Variants in DAAM1 observed in about 807,000 individuals in gnomAD.
DAAM1 encodes disheveled-associated activator of morphogenesis 1.
Under a neutral mutation model 130.0 loss-of-function variants are expected in DAAM1, and 52 were observed. That is an observed-to-expected ratio of 0.40 (90% CI 0.32 to 0.50). The LOEUF is 0.50. Ranked by LOEUF, DAAM1 falls within the 20% of genes least tolerant of loss-of-function variation. DAAM1 has a pLI of 0.61. For synonymous variants in DAAM1, 452 were observed against 444.5 expected (o/e 1.02, Z -0.21); for missense variants, 1,134 against 1,303.8 (o/e 0.87, Z 2.01).
chr14:59,302,104 T>C (rs141193161), intron 3 of DAAM1, among the ~76,000 whole-genome samples: 1 of 152,348 alleles, frequency 6.6e-6, no homozygotes, highest in East Asian at 1.9e-4. Flanking sequence ...CAGGTAGATA[T>C]ACTGCAAATA....
chr14:59,242,935 G>C (rs901846351), intron 1 of DAAM1, among the ~76,000 whole-genome samples: 1 of 152,096 alleles, frequency 6.6e-6, no homozygotes, highest in Non-Finnish European at 1.5e-5. Context: ...TATGTAGAAG[G>C]TACTCAGTAA....
intron 1 of DAAM1, among the ~76,000 whole-genome samples, chr14:59,221,196 C>T (rs1004678557): frequency 6.6e-6 from 1 of 152,232 alleles, no homozygotes; most frequent in African/African-American, 2.4e-5. Context: ...GTGATGTTTA[C>T]TCCTCTCCTG....
At chr14:59,247,496 T>A (rs1345809137) in intron 1 of DAAM1, among the ~76,000 whole-genome samples, 1 of 152,232 alleles carries the variant, frequency 6.6e-6, no homozygotes, top group East Asian at 1.9e-4. Flanking sequence ...ATCGTAACAA[T>A]ATTGTCTTCC....
intron 19 of DAAM1, 23 bp from the exon 20 acceptor site, chr14:59,355,141 GT>G: frequency 6.3e-7 from 1 of 1,598,810 alleles, no homozygotes; most frequent in Non-Finnish European, 8.5e-7. Context: ...TGGTAATCAT[GT>G]TTTTATGTGT....
In DAAM1 at chr14:59,355,312, A is replaced by G; in HGVS notation, c.2504A>G (p.Asp835Gly). ...FKISSLNKIA[D>G]TKSSIDKNIT... ...ATATCTAGCCTAAACAAAATTGCTGACACAAAATCCAGCATCGACAAGTAA... is the reference window on the plus strand; with the variant it reads ...ATATCTAGCCTAAACAAAATTGCTGGCACAAAATCCAGCATCGACAAGTAA... Residue 835 changes from aspartate to glycine, a missense_variant, in exon 20 of 25, where the codon GAC (aspartate) becomes GGC (glycine). By Grantham distance (94) the Asp-to-Gly change is moderately conservative. This residue lies in a region of DAAM1 where 644 missense variants were observed against 695.9 expected (regional missense o/e 0.93). Transcript: ENST00000360909. 1 of 1,614,068 alleles carries G rather than the reference A, an allele frequency of 6.2e-7. No homozygotes were observed. Among genetic ancestry groups the G allele is most frequent in the East Asian group, 2.2e-5 (1 of 44,872 alleles).
At position 59,324,433 on chromosome 14, in the gene DAAM1, A is replaced by C; in HGVS notation, c.968A>C (p.His323Pro). 1 of 1,589,638 alleles carries C rather than the reference A, an allele frequency of 6.3e-7. No individual in the cohort carries two copies. The highest frequency in any genetic ancestry group is 8.6e-7 in the Non-Finnish European group (1 of 1,168,626). ...CCTGTAATAGATAAATTAAGGGAAC[A>C]CGAAAATTCAACATTAGATAGGTAA... ...IQPVIDKLRE[H>P]ENSTLDRHLD... Residue 323 changes from histidine to proline, a missense_variant, in exon 8 of 25, where the codon CAC becomes CCC. Physicochemically the swap from His to Pro is moderately conservative, Grantham distance 77 (BLOSUM62 -2). Coordinates refer to ENST00000360909, the MANE Select transcript of DAAM1 (RefSeq NM_001270520.2).
At chr14:59,324,260 A>G in intron 7 of DAAM1, 22 bp downstream of exon 7, 1 of 1,388,760 alleles carries the variant, frequency 7.2e-7, no homozygotes, top group Non-Finnish European at 9.4e-7. Flanking sequence ...CTACAAATTA[A>G]AAATATATTA....
At chr14:59,207,130 G>T (rs936292389) in intron 1 of DAAM1, among the ~76,000 whole-genome samples, 8 of 152,178 alleles carry the variant, frequency 5.3e-5, no homozygotes, top group Non-Finnish European at 1.2e-4. Flanking sequence ...GTATCTATAT[G>T]TCTGCCTGTG....
At chr14:59,240,985 C>G (rs1162124029) in intron 1 of DAAM1, among the ~76,000 whole-genome samples, 1 of 152,180 alleles carries the variant, frequency 6.6e-6, no homozygotes, top group Non-Finnish European at 1.5e-5. Flanking sequence ...TTCCCAAAGA[C>G]AGATACAGCT....
intron 1 of DAAM1, among the ~76,000 whole-genome samples, chr14:59,217,669 G>A (rs12147830): frequency 1.3e-5 from 2 of 151,536 alleles, no homozygotes; most frequent in African/African-American, 2.4e-5. Flanking sequence ...AGACCCTGTC[G>A]CTACAAAAAA....
intron 2 of DAAM1, among the ~76,000 whole-genome samples, chr14:59,281,797 T>G (rs899885796): frequency 2.0e-5 from 3 of 152,300 alleles, no homozygotes; most frequent in African/African-American, 7.2e-5. Flanking sequence ...AAGGCTGTGA[T>G]AGTTTCTTAG....
rs1035070357 is a variant in DAAM1 at position 59,329,612 on chromosome 14, G to A, written c.1373-889G>A. 6.6e-5 allele frequency among the ~76,000 whole-genome samples: 10 copies of A among 152,244 alleles called. No individual in the cohort carries two copies. In the South Asian group the frequency reaches 2.1e-3, roughly 32 times the overall value. On this transcript the variant is annotated intron_variant, in intron 12 of 24. Coordinates refer to ENST00000360909, the MANE Select transcript of DAAM1 (RefSeq NM_001270520.2). ...TGGATTTATTGATATAAAAAGAATA[G>A]GAATTGGGGACATGTATTTGAAATA...
intron 1 of DAAM1, among the ~76,000 whole-genome samples, chr14:59,240,289 G>A (rs1018314976): frequency 6.6e-6 from 1 of 151,962 alleles, no homozygotes; most frequent in Non-Finnish European, 1.5e-5. Flanking sequence ...TTCCTATCAC[G>A]CATATACAAA....
chr14:59,246,811 T>C (rs975414447), intron 1 of DAAM1, among the ~76,000 whole-genome samples: 3 of 152,342 alleles, frequency 2.0e-5, no homozygotes, highest in Non-Finnish European at 2.9e-5. Flanking sequence ...TTAGTAATGC[T>C]GAGTGTCTTT....
chr14:59,263,285 T>A (rs1467386838), intron 1 of DAAM1, among the ~76,000 whole-genome samples, 156 bp from the exon 2 acceptor site: 7 of 152,216 alleles, frequency 4.6e-5, no homozygotes, highest in Admixed American at 4.6e-4. Flanking sequence ...TCTGTCCAAG[T>A]GGACTCCAAA....
At position 59,355,220 on chromosome 14, in the gene DAAM1, G is replaced by A. The variant is rs1479898526; in HGVS notation, c.2412G>A (p.Leu804=). 6.2e-7 allele frequency: 1 copy of A among 1,614,140 alleles called. No individual in the cohort carries two copies. The highest frequency in any genetic ancestry group is 2.2e-5 in the East Asian group (1 of 44,886). ...VFRSGALKQL[L]EVVLAFGNYM... is the part of the protein sequence containing the mutation. ...GGAGTGGTGCCCTCAAGCAGTTGCT[G>A]GAGGTGGTTTTGGCATTTGGAAATT... The change falls in exon 20 of 25, where the codon CTG becomes CTA. Residue 804 remains leucine, a synonymous_variant. Transcript: ENST00000360909.
rs557072695 is a variant in DAAM1 at position 59,299,477 on chromosome 14, G to A, written c.273+8171G>A. Among the ~76,000 whole-genome samples the A allele has an allele frequency of 2.6e-5, 4 of 152,292 alleles. No individual in the cohort carries two copies. In the South Asian group the frequency reaches 8.3e-4, roughly 32 times the overall value. ...GTTGTCATAGTCAATGGTAACAATG[G>A]TGACTATGCTTGTAATAGTATGAAC... On this transcript the variant is annotated intron_variant, in intron 3 of 24. Coordinates refer to ENST00000360909, the MANE Select transcript of DAAM1 (RefSeq NM_001270520.2).
chr14:59,337,435 T>C (rs1885670279), intron 15 of DAAM1, among the ~76,000 whole-genome samples: 1 of 152,212 alleles, frequency 6.6e-6, no homozygotes, highest in Non-Finnish European at 1.5e-5. Flanking sequence ...CTGTGTAAAA[T>C]TGGCCTTGGC....
rs547876294 is a variant in DAAM1, at chr14:59,324,315, C to G, written c.886-36C>G. On this transcript the variant is annotated intron_variant, in intron 7 of 24. Coordinates refer to ENST00000360909, the MANE Select transcript of DAAM1 (RefSeq NM_001270520.2). ...AAGTGATTATTATGTAGTCTAAAAA[C>G]CACAAATATGTATTTTATTGCCATT... is the stretch of plus-strand genomic sequence containing the variant. 2.6e-4 allele frequency: 396 copies of G among 1,498,358 alleles called. 2 individuals are homozygous for G. In the South Asian group the frequency reaches 4.1e-3, roughly 16 times the overall value. 92.8% of individuals were successfully genotyped at this position (1,498,358 alleles called of 1,614,324 possible).
Sources: gnomAD v4.1 joint callset for allele counts (sites outside exome capture counted in the v4.1 genomes callset) on GRCh38, gnomAD v4.1.1 for gene constraint, gnomAD v4.1.1 regional missense constraint, MANE v1.5 for transcripts, NCBI Gene and HGNC (gene_info 2026-07-23, HGNC 2026-07-21) for gene names.